Variants in HELB observed in about 807,000 individuals in gnomAD.
HELB encodes DNA 5'-3' helicase B.
A neutral mutation model predicts 101.7 loss-of-function variants in HELB; 96 were observed. The observed-to-expected ratio is 0.94, with a 90% confidence interval of 0.80 to 1.12. The LOEUF is 1.12. Among genes scored for constraint, HELB ranks in the 50% most tolerant of loss-of-function variants. The pLI is 0.00. For missense variants in HELB, 1,210 were observed against 1,291.9 expected (o/e 0.94, Z 0.97); for synonymous variants, 437 against 459.7 (o/e 0.95, Z 0.63).
chr12:66,338,336 A>G, downstream of HELB: 1 of 330,616 alleles, frequency 3.0e-6, no homozygotes, highest in South Asian at 3.6e-5. Context: ...ATACATATAT[A>G]TTTTTATACA....
intron 12 of HELB, among the ~76,000 whole-genome samples, chr12:66,334,995 G>A (rs915113220): frequency 5.9e-5 from 9 of 151,962 alleles, no homozygotes; most frequent in Non-Finnish European, 1.5e-5. Flanking sequence ...GATGTGATGA[G>A]GTAAAAGAGA....
intron 12 of HELB, among the ~76,000 whole-genome samples, chr12:66,332,857 C>T (rs918305466): frequency 5.9e-5 from 9 of 152,122 alleles, no homozygotes; most frequent in Admixed American, 3.3e-4. Context: ...AGACCTTTCT[C>T]AATTTGATTC....
intron 7 of HELB, among the ~76,000 whole-genome samples, chr12:66,320,389 T>C (rs2053656817): frequency 6.6e-6 from 1 of 152,234 alleles, no homozygotes; most frequent in Admixed American, 6.5e-5. Context: ...TAAATTGGTT[T>C]ATAAGCTGCA....
At chr12:66,318,931 A>T in intron 7 of HELB, 139 bp downstream of exon 7, 5 of 666,722 alleles carry the variant, frequency 7.5e-6, no homozygotes, top group Non-Finnish European at 1.2e-5. Flanking sequence ...TTGAAAATAA[A>T]TGAACTTAGT....
chr12:66,335,879 C>A (rs367974128), intron 12 of HELB, among the ~76,000 whole-genome samples: 4 of 152,304 alleles, frequency 2.6e-5, no homozygotes, highest in African/African-American at 9.6e-5. Flanking sequence ...TCTCTCTCTT[C>A]TTATTATAAT....
intron 12 of HELB, among the ~76,000 whole-genome samples, chr12:66,337,447 CTT>C (rs2053878835): frequency 6.6e-6 from 1 of 152,118 alleles, no homozygotes; most frequent in South Asian, 2.1e-4. Context: ...TGTGCTTACT[CTT>C]TTCATTTCTT....
At chr12:66,324,371 G>A in intron 10 of HELB, 160 bp downstream of exon 10, 2 of 605,958 alleles carry the variant, frequency 3.3e-6, no homozygotes, top group Non-Finnish European at 5.8e-6. Flanking sequence ...GAAGGATATG[G>A]GTAGTTATCT....
intron 11 of HELB, among the ~76,000 whole-genome samples, chr12:66,329,161 T>C (rs1162927807): frequency 6.6e-6 from 1 of 152,220 alleles, no homozygotes; most frequent in Admixed American, 6.5e-5. Flanking sequence ...AAATTATTTA[T>C]AGCAGGTTAT....
At chr12:66,331,731 G>C in intron 12 of HELB, 86 bp downstream of exon 12, 1 of 1,239,258 alleles carries the variant, frequency 8.1e-7, no homozygotes, top group Non-Finnish European at 1.1e-6. Context: ...GCTTTTATTA[G>C]TGTTGCATTG....
Position 66,306,374 on chromosome 12 carries a change from C to T in HELB, c.637C>T (p.Gln213Ter). The T allele has an allele frequency of 1.3e-6, 2 of 1,596,392 alleles. 1 individual carries two copies. Among genetic ancestry groups the T allele is most frequent in the South Asian group, 2.3e-5 (2 of 87,406 alleles). ...IPFRNVMTAL[Q>*]FPKIMEFLPV... is the part of the protein sequence containing the mutation. ...ATTTAGAAATGTAATGACAGCTTTG[C>T]AGTTTCCGAAGATAATGGAATTCCT... The change falls in exon 3 of 13, where the codon CAG becomes TAG. Residue 213 changes from glutamine to a stop codon, truncating the protein, a stop_gained. Transcript: ENST00000247815. LOFTEE classifies it high-confidence loss of function.
rs953328569 is a variant in HELB, at chr12:66,304,648, T to G, written c.188-83T>G. ...GCTGTAGGGAGATTAAAGATAGTGG[T>G]AAGTTTGATGAAACTTTGAGGAAAC... On this transcript the variant is annotated intron_variant, in intron 1 of 12. Transcript: ENST00000247815. 8.7e-6 allele frequency: 11 copies of G among 1,267,194 alleles called. 1 individual carries two copies. The highest frequency in any genetic ancestry group is 1.2e-5 in the Non-Finnish European group (11 of 914,660). The allele number at this position is 1,267,194 out of a possible 1,614,324, so 78.5% of individuals were successfully genotyped here.
intron 9 of HELB, among the ~76,000 whole-genome samples, chr12:66,323,201 G>GA (rs1317246156): frequency 6.6e-6 from 1 of 151,966 alleles, no homozygotes; most frequent in Non-Finnish European, 1.5e-5. Flanking sequence ...TCATACATAG[G>GA]AAAAATTAAT....
chr12:66,331,484 A>G lies in HELB; in HGVS notation c.3001A>G (p.Ser1001Gly), dbSNP rs774897972. 8 of 1,614,052 alleles carry G rather than the reference A, an allele frequency of 5.0e-6. No homozygotes were observed. In the African/African-American group the frequency reaches 1.1e-4, roughly 22 times the overall value. Residue 1001 changes from serine (S) to glycine (G), a missense_variant, in exon 12 of 13, where the codon AGC (serine) becomes GGC (glycine). By Grantham distance (56) the Ser-to-Gly change is moderately conservative. This residue lies in a region of HELB where 740 missense variants were observed against 728.8 expected (regional missense o/e 1.02). Coordinates refer to ENST00000247815, the MANE Select transcript of HELB (RefSeq NM_001370285.1). ...DHAMTNDVTWSEASSPDERTL... is the reference protein window; with the variant it reads ...DHAMTNDVTWGEASSPDERTL... Reference sequence around the variant, plus strand: ...CGCCATGACAAATGATGTCACCTGGAGCGAGGCCTCTTCGCCTGATGAGAG... The same window carrying G: ...CGCCATGACAAATGATGTCACCTGGGGCGAGGCCTCTTCGCCTGATGAGAG...
Position 66,331,219 on chromosome 12 carries a change from C to G in HELB, c.2736C>G (p.Val912=). 1 of 1,614,046 alleles carries G rather than the reference C, an allele frequency of 6.2e-7. No individual in the cohort carries two copies. Among genetic ancestry groups the G allele is most frequent in the Non-Finnish European group, 8.5e-7 (1 of 1,179,894 alleles). The change falls in exon 12 of 13, where the codon GTC becomes GTG. Residue 912 remains valine, a synonymous_variant. Transcript: ENST00000247815. The stretch of plus-strand genomic sequence containing the variant: ...CGGGCCGCCAGCACTGGCAGCATGT[C>G]TACACCGCCGTGACCAGGGGCCGCT... ...GKAGRQHWQH[V]YTAVTRGRCR...
chr12:66,302,827 G>A (rs374052176), intron 1 of HELB, 37 bp downstream of exon 1: 5 of 1,536,846 alleles, frequency 3.3e-6, no homozygotes, highest in Admixed American at 3.9e-5. Context: ...GGGGTTGGAG[G>A]GTCCAAAGTA....
chr12:66,332,139 T>C (rs1036271065), intron 12 of HELB, among the ~76,000 whole-genome samples: 1 of 152,166 alleles, frequency 6.6e-6, no homozygotes, highest in Non-Finnish European at 1.5e-5. Context: ...TTCCCAGAAA[T>C]TGATTTTCTG....
Position 66,310,246 on chromosome 12 carries a change from A to G in HELB, c.1318A>G (p.Ile440Val). The change falls in exon 4 of 13, where the codon ATA becomes GTA. Residue 440 changes from isoleucine (I) to valine (V), a missense_variant. By Grantham distance (29) the Ile-to-Val change is conservative (BLOSUM62 3). Coordinates refer to ENST00000247815, the MANE Select transcript of HELB (RefSeq NM_001370285.1). ...TNGENEINAEISEVQLDQDQV... is the reference protein window; with the variant it reads ...TNGENEINAEVSEVQLDQDQV... ...TGGTGAAAATGAAATTAATGCAGAA[A>G]TAAGTGAAGTTCAGCTGGATCAGGA... 6.2e-7 allele frequency: 1 copy of G among 1,614,146 alleles called. No homozygotes were observed. The highest frequency in any genetic ancestry group is 8.5e-7 in the Non-Finnish European group (1 of 1,180,022).
At chr12:66,322,815 G>A in intron 9 of HELB, 32 bp downstream of exon 9, 2 of 1,463,268 alleles carry the variant, frequency 1.4e-6, no homozygotes, top group African/African-American at 1.4e-5. Context: ...AACTTTTAAG[G>A]ACAGTCCTTC....
At chr12:66,308,331 C>T (rs1414702174) in intron 3 of HELB, among the ~76,000 whole-genome samples, 1 of 152,120 alleles carries the variant, frequency 6.6e-6, no homozygotes, top group African/African-American at 2.4e-5. Flanking sequence ...CCCTCCCTCC[C>T]GCCATGTCAG....
Sources: allele counts gnomAD v4.1 joint callset (sites outside exome capture counted in the v4.1 genomes callset), GRCh38; gene constraint gnomAD v4.1.1; regional missense constraint gnomAD v4.1.1; transcripts MANE v1.5; gene names NCBI Gene and HGNC (gene_info 2026-07-23, HGNC 2026-07-21).